DAOA: variants seen among roughly 807,000 people sequenced by gnomAD.
DAOA encodes D-amino acid oxidase regulator.
A neutral mutation model predicts 16.4 loss-of-function variants in DAOA; 15 were observed. That is an observed-to-expected ratio of 0.91 (90% CI 0.61 to 1.41). The LOEUF is 1.41. Ranked by LOEUF, DAOA falls within the 40% of genes most tolerant of loss-of-function variation. DAOA has a pLI of 0.00. For synonymous variants in DAOA, 75 were observed against 59.1 expected, an observed-to-expected ratio of 1.27 and a Z score of -1.23; for missense variants, 230 against 176.8, an observed-to-expected ratio of 1.30 and a Z score of -1.71.
chr13:105,474,040 G>C (rs1877172348), intron 4 of DAOA, among the ~76,000 whole-genome samples: 1 of 152,008 alleles, frequency 6.6e-6, no homozygotes, highest in Non-Finnish European at 1.5e-5. Flanking sequence ...TCTATAACAG[G>C]TGTTCTAATT....
At chr13:105,470,302 T>C (rs1594104815) in intron 3 of DAOA, among the ~76,000 whole-genome samples, 1 of 152,154 alleles carries the variant, frequency 6.6e-6, no homozygotes, top group Non-Finnish European at 1.5e-5. Context: ...TTTCCAGTTT[T>C]GGGGAAACTG....
chr13:105,489,316 A>G (rs1050215492), intron 4 of DAOA, among the ~76,000 whole-genome samples: 1 of 151,688 alleles, frequency 6.6e-6, no homozygotes, highest in African/African-American at 2.4e-5. Flanking sequence ...GACCCTGCAA[A>G]AGATACTTAA....
chr13:105,476,882 T>G (rs922511189), intron 4 of DAOA, among the ~76,000 whole-genome samples: 5 of 152,080 alleles, frequency 3.3e-5, no homozygotes, highest in Non-Finnish European at 7.4e-5. Flanking sequence ...AGCCCCTGTA[T>G]TCCCAACCCA....
chr13:105,476,545 G>T (rs554833886), intron 4 of DAOA, among the ~76,000 whole-genome samples: 19 of 149,520 alleles, frequency 1.3e-4, no homozygotes, highest in African/African-American at 4.7e-4. Context: ...TACAAAAAGG[G>T]AGGTCCACAG....
intron 3 of DAOA, among the ~76,000 whole-genome samples, chr13:105,471,930 T>A (rs982500996): frequency 3.9e-5 from 6 of 152,202 alleles, no homozygotes; most frequent in African/African-American, 1.4e-4. Context: ...CTTTCACAAC[T>A]TTTTCCCACA....
intron 4 of DAOA, among the ~76,000 whole-genome samples, chr13:105,474,380 G>A (rs9514387): frequency 0.27 from 41,741 of 151,836 alleles, 5,870 homozygotes; most frequent in Non-Finnish European, 0.29. Flanking sequence ...GTGTGTGTGC[G>A]TGTGTATTTT....
At chr13:105,482,520 T>A (rs1877819939) in intron 4 of DAOA, among the ~76,000 whole-genome samples, 1 of 151,218 alleles carries the variant, frequency 6.6e-6, no homozygotes, top group Non-Finnish European at 1.5e-5. Flanking sequence ...TTTTTTTTTT[T>A]TTTCTTTGAG....
chr13:105,466,452 G>A (rs546165986), intron 2 of DAOA, 120 bp downstream of exon 2: 4 of 1,511,204 alleles, frequency 2.6e-6, no homozygotes, highest in Admixed American at 3.6e-5. Context: ...TGTCAGGGTT[G>A]GAAGCCTGAG....
At chr13:105,479,869 C>CA (rs1877587217) in intron 4 of DAOA, among the ~76,000 whole-genome samples, 1 of 152,082 alleles carries the variant, frequency 6.6e-6, no homozygotes, top group African/African-American at 2.4e-5. Flanking sequence ...GAAGAAGGGG[C>CA]ATAGGACAAA....
chr13:105,484,465 G>T (rs1877973361), intron 4 of DAOA, among the ~76,000 whole-genome samples: 1 of 151,900 alleles, frequency 6.6e-6, no homozygotes, highest in Admixed American at 6.6e-5. Context: ...GTATCTTTCT[G>T]CATTTATTTA....
rs1381767511 is a variant in DAOA, at chr13:105,472,751, G to T, written c.281+66G>T. 6 of 1,449,820 alleles carry T rather than the reference G, an allele frequency of 4.1e-6. No homozygotes were observed. In the African/African-American group the frequency reaches 7.1e-5, roughly 17 times the overall value. The allele number at this position is 1,449,820 out of a possible 1,614,324, so 89.8% of individuals were successfully genotyped here. The stretch of plus-strand genomic sequence containing the variant: ...GCTAAATGCTAATGTTGGAACTTAC[G>T]AAAGCAACTTCTCTGGGCTTTTTAA... On this transcript the variant is annotated intron_variant, in intron 4 of 5. Coordinates refer to ENST00000375936, the MANE Select transcript of DAOA (RefSeq NM_172370.5).
chr13:105,477,079 C>T (rs1444717865), intron 4 of DAOA: 1 of 152,188 alleles, frequency 6.6e-6, no homozygotes, highest in African/African-American at 2.4e-5. Flanking sequence ...TCCTGTAGTT[C>T]TCCCTCTAAC....
rs1168732219 is a variant in DAOA, at chr13:105,490,970, C to G, written c.*170C>G. 6.6e-6 allele frequency: 1 copy of G among 152,186 alleles called. No individual in the cohort carries two copies. Among genetic ancestry groups the G allele is most frequent in the African/African-American group, 2.4e-5 (1 of 41,548 alleles). The allele number at this position is 152,186 out of a possible 1,614,324, so 9.4% of individuals were successfully genotyped here. ...TAAGTGATAAAATGCCATTTCTATG[C>G]ACCCACCTGGCCTGTGTGACTGGGA... is the stretch of plus-strand genomic sequence containing the variant. On this transcript the variant is annotated 3_prime_UTR_variant, in exon 6 of 6. Transcript: ENST00000375936.
At chr13:105,472,759 C>T in intron 4 of DAOA, 74 bp downstream of exon 4, 4 of 1,355,920 alleles carry the variant, frequency 3.0e-6, no homozygotes, top group Non-Finnish European at 4.0e-6. Context: ...ACGAAAGCAA[C>T]TTCTCTGGGC....
intron 4 of DAOA, among the ~76,000 whole-genome samples, chr13:105,488,145 C>T (rs1205562714): frequency 6.6e-6 from 1 of 152,130 alleles, no homozygotes; most frequent in Non-Finnish European, 1.5e-5. Flanking sequence ...ATATTTCTGG[C>T]AACTAATAAT....
intron 4 of DAOA, among the ~76,000 whole-genome samples, chr13:105,483,709 G>A (rs145240319): frequency 1.1e-3 from 165 of 151,408 alleles, no homozygotes; most frequent in Middle Eastern, 3.4e-3. Context: ...ATTGAACATT[G>A]AGGTTTCTTT....
rs974038836 is a variant in DAOA, at chr13:105,470,854, G to A, written c.134-1684G>A. On this transcript the variant is annotated intron_variant, in intron 3 of 5. Transcript: ENST00000375936. Reference sequence around the variant, plus strand: ...GGCCCAGGCTCGAGTGCAGTGACACGATCTCAGCTCACTGCAAGCTCCGCC... The same window carrying A: ...GGCCCAGGCTCGAGTGCAGTGACACAATCTCAGCTCACTGCAAGCTCCGCC... Among the ~76,000 whole-genome samples, 10 of 151,758 alleles carry A rather than the reference G, an allele frequency of 6.6e-5. No homozygotes were observed. The East Asian group carries it at 1.4e-3, about 21-fold the overall frequency.
rs143113712 is a variant in DAOA, at chr13:105,472,905, T to C, written c.281+220T>C. 7.0e-4 allele frequency among the ~76,000 whole-genome samples: 106 copies of C among 152,324 alleles called. No homozygotes were observed. In the East Asian group the frequency reaches 0.018, roughly 26 times the overall value. On this transcript the variant is annotated intron_variant, in intron 4 of 5. Transcript: ENST00000375936. ...TCACATTTTTTCATGCAGTAGTTTTTCTTGAATTTTGTTTTTTATAAAAAT... is the reference window on the plus strand; with the variant it reads ...TCACATTTTTTCATGCAGTAGTTTTCCTTGAATTTTGTTTTTTATAAAAAT...
At chr13:105,474,761 A>T (rs1877224310) in intron 4 of DAOA, among the ~76,000 whole-genome samples, 1 of 152,144 alleles carries the variant, frequency 6.6e-6, no homozygotes, top group Non-Finnish European at 1.5e-5. Context: ...GGAAGAGAGG[A>T]AGTTGGAGAA....
Sources: gnomAD v4.1 joint callset for allele counts (sites outside exome capture counted in the v4.1 genomes callset) on GRCh38, gnomAD v4.1.1 for gene constraint, MANE v1.5 for transcripts, NCBI Gene and HGNC (gene_info 2026-07-23, HGNC 2026-07-21) for gene names.